ACYP2: variants seen among roughly 807,000 people sequenced by gnomAD.
ACYP2 encodes the protein acylphosphatase-2.
Under a neutral mutation model 11.2 loss-of-function variants are expected in ACYP2, and 12 were observed. That is an observed-to-expected ratio of 1.08 (90% confidence interval 0.69 to 1.74). The LOEUF is 1.74. Ranked by LOEUF, ACYP2 falls within the 40% of genes most tolerant of loss-of-function variation. ACYP2 has a pLI of 0.00. For missense variants in ACYP2, 134 were observed against 101.9 expected, an observed-to-expected ratio of 1.31 and a Z score of -1.35; for synonymous variants, 43 against 32.2, an observed-to-expected ratio of 1.33 and a Z score of -1.13.
chr2:54,190,852 TC>T (rs1684209720), intron 6 of ACYP2, among the ~76,000 whole-genome samples: 1 of 152,120 alleles, frequency 6.6e-6, no homozygotes, highest in Non-Finnish European at 1.5e-5. Flanking sequence ...CTTAATTTTC[TC>T]CCCCAACTCA....
At chr2:54,125,551 A>AC (rs367891809) in intron 4 of ACYP2, among the ~76,000 whole-genome samples, 3 of 151,094 alleles carry the variant, frequency 2.0e-5, no homozygotes, top group African/African-American at 7.3e-5. Flanking sequence ...GGAGTTTGAG[A>AC]CCAGCCTGGC....
intron 4 of ACYP2, among the ~76,000 whole-genome samples, chr2:54,057,942 A>C (rs1391978649): frequency 6.6e-6 from 1 of 152,202 alleles, no homozygotes; most frequent in Non-Finnish European, 1.5e-5. Context: ...GAATCAATGA[A>C]CATTTGGAAA....
At chr2:54,255,325 T>C in intron 6 of ACYP2, 5 of 1,614,182 alleles carry the variant, frequency 3.1e-6, no homozygotes, top group Non-Finnish European at 4.2e-6. Context: ...ATTGGTTAAG[T>C]AGCTTAACAT....
chr2:54,007,800 G>T (rs1673158726), intron 2 of ACYP2, among the ~76,000 whole-genome samples: 1 of 152,166 alleles, frequency 6.6e-6, no homozygotes, highest in Non-Finnish European at 1.5e-5. Context: ...AGGAGGTGGA[G>T]GTTGCAGTGA....
intron 5 of ACYP2, among the ~76,000 whole-genome samples, chr2:54,137,460 T>A (rs1354634663): frequency 6.6e-6 from 1 of 152,128 alleles, no homozygotes; most frequent in African/African-American, 2.4e-5. Context: ...TAGGCCCCAG[T>A]GTCTGTTGTT....
intron 6 of ACYP2, among the ~76,000 whole-genome samples, chr2:54,251,422 A>G (rs1018232133): frequency 6.6e-6 from 1 of 152,192 alleles, no homozygotes; most frequent in African/African-American, 2.4e-5. Flanking sequence ...ATATTAAAGT[A>G]CAATATACAT....
rs143442872 is a variant in ACYP2, at chr2:54,051,796, G to T, written c.155+746G>T. 111 of 413,516 alleles carry T rather than the reference G, an allele frequency of 2.7e-4. 1 individual carries two copies. In the East Asian group the frequency reaches 6.3e-3, roughly 23 times the overall value. 25.6% of individuals were successfully genotyped at this position (413,516 alleles called of 1,614,324 possible). Reference sequence around the variant, plus strand: ...TCAGTGGCTCACACCTGTAATCCCGGCACTTTGGGAGGCCGAGGCAGGAAA... The same window carrying T: ...TCAGTGGCTCACACCTGTAATCCCGTCACTTTGGGAGGCCGAGGCAGGAAA... On this transcript the variant is annotated intron_variant, in intron 3 of 6. Coordinates refer to ENST00000607452, the MANE Select transcript of ACYP2 (RefSeq NM_001320586.2).
intron 4 of ACYP2, among the ~76,000 whole-genome samples, chr2:54,110,225 G>A (rs1679387272): frequency 6.6e-6 from 1 of 151,118 alleles, no homozygotes; most frequent in Non-Finnish European, 1.5e-5. Context: ...CCATTTCCAA[G>A]TTTATTCTAT....
chr2:54,013,166 AC>A (rs1165229001), intron 2 of ACYP2, among the ~76,000 whole-genome samples: 1 of 29,038 alleles, frequency 3.4e-5, no homozygotes, highest in East Asian at 1.0e-3. Flanking sequence ...ACCTGCCCCC[AC>A]CCCCCGCCCC....
intron 4 of ACYP2, among the ~76,000 whole-genome samples, chr2:54,096,214 A>G (rs1347296801): frequency 1.3e-4 from 18 of 134,848 alleles, no homozygotes; most frequent in African/African-American, 5.1e-4. Flanking sequence ...CCGGGCAGAG[A>G]CGCTCCTCAC....
chr2:54,103,156 T>A (rs114805895), intron 4 of ACYP2, among the ~76,000 whole-genome samples: 14,608 of 152,016 alleles, frequency 0.096, 844 homozygotes, highest in Non-Finnish European at 0.14. Flanking sequence ...AAAGAAAAAA[T>A]TTATATTACA....
chr2:54,018,068 T>C (rs1417828718), intron 2 of ACYP2, among the ~76,000 whole-genome samples: 1 of 152,192 alleles, frequency 6.6e-6, no homozygotes, highest in Non-Finnish European at 1.5e-5. Flanking sequence ...CCTTTAGATC[T>C]ACTGAACGTG....
chr2:54,265,498 A>G (rs1168373176), intron 6 of ACYP2, among the ~76,000 whole-genome samples: 1 of 152,244 alleles, frequency 6.6e-6, no homozygotes, highest in African/African-American at 2.4e-5. Flanking sequence ...AAACCATATC[A>G]GCATCCTACT....
chr2:54,173,018 T>C (rs1683281634), intron 6 of ACYP2, among the ~76,000 whole-genome samples: 1 of 152,252 alleles, frequency 6.6e-6, no homozygotes, highest in Admixed American at 6.5e-5. Context: ...TGTGTGCATG[T>C]GTCTTTATAG....
At chr2:54,025,398 A>G (rs1042027259) in intron 2 of ACYP2, among the ~76,000 whole-genome samples, 1 of 152,214 alleles carries the variant, frequency 6.6e-6, no homozygotes, top group South Asian at 2.1e-4. Flanking sequence ...GACCAGCAGA[A>G]CAGAATAGAG....
intron 4 of ACYP2, among the ~76,000 whole-genome samples, chr2:54,078,332 TAAG>T (rs1677453728): frequency 6.6e-6 from 1 of 150,486 alleles, no homozygotes; most frequent in Non-Finnish European, 1.5e-5. Flanking sequence ...ACTGTCCCAA[TAAG>T]AAGTGATATC....
intron 6 of ACYP2, among the ~76,000 whole-genome samples, chr2:54,198,030 T>C (rs1056296525): frequency 3.3e-5 from 4 of 121,636 alleles, no homozygotes; most frequent in African/African-American, 1.3e-4. Flanking sequence ...TTGTATTGTA[T>C]TGTATTTTAA....
intron 2 of ACYP2, among the ~76,000 whole-genome samples, chr2:54,001,678 G>A (rs1672811509): frequency 6.6e-6 from 1 of 152,210 alleles, no homozygotes; most frequent in South Asian, 2.1e-4. Context: ...ACAAGAGTGA[G>A]CCACTGTGTC....
intron 4 of ACYP2, among the ~76,000 whole-genome samples, chr2:54,063,889 T>C (rs1676600568): frequency 6.6e-6 from 1 of 152,164 alleles, no homozygotes; most frequent in African/African-American, 2.4e-5. Context: ...CAAGAGCTCT[T>C]CAGGGGAAAT....
Sources: gnomAD v4.1 joint callset for allele counts (sites outside exome capture counted in the v4.1 genomes callset) on GRCh38, gnomAD v4.1.1 for gene constraint, MANE v1.5 for transcripts, NCBI Gene and HGNC (gene_info 2026-07-23, HGNC 2026-07-21) for gene names.